The following LATS2 variants were observed in gnomAD, a reference collection of about 807,000 sequenced individuals.
LATS2 encodes the protein large tumor suppressor kinase 2.
LATS2 carries 24 observed loss-of-function variants against 76.0 expected under a neutral mutation model. The observed-to-expected ratio is 0.32, with a 90% confidence interval of 0.23 to 0.44. The LOEUF (loss-of-function observed/expected upper bound fraction) is 0.44, where lower values mean the gene tolerates loss of function less well. Ranked by LOEUF, LATS2 falls within the 20% of genes least tolerant of loss-of-function variation. LATS2 has a pLI of 1.00. For missense variants in LATS2, 1,286 were observed against 1,481.2 expected, an observed-to-expected ratio of 0.87 and a Z score of 2.16; for synonymous variants, 692 against 635.4, an observed-to-expected ratio of 1.09 and a Z score of -1.34.
intron 2 of LATS2, among the ~76,000 whole-genome samples, chr13:21,015,360 C>T (rs1383423768): frequency 6.6e-6 from 1 of 152,168 alleles, no homozygotes; most frequent in East Asian, 1.9e-4. Flanking sequence ...CACGAAGGAC[C>T]AGGACCCTAG....
At chr13:21,033,880 C>T (rs1448648293) in intron 2 of LATS2, among the ~76,000 whole-genome samples, 2 of 152,106 alleles carry the variant, frequency 1.3e-5, no homozygotes, top group Admixed American at 6.6e-5. Context: ...CTTCTAATGT[C>T]ATAACCACCC....
At position 20,988,738 on chromosome 13, in the gene LATS2, G is replaced by C; in HGVS notation, c.1042C>G (p.Leu348Val). 1.9e-6 allele frequency: 3 copies of C among 1,571,298 alleles called. No individual in the cohort carries two copies. Among genetic ancestry groups the C allele is most frequent in the Non-Finnish European group, 2.6e-6 (3 of 1,165,594 alleles). ...FASDSPPQSL[L>V]TPSRNSLNVD... is the part of the protein sequence containing the mutation. ...TTGAGGCTGTTCCGCGAGGGAGTGA[G>C]CAGGCTCTGCGGGGGGCTGTCGCTG... The change falls in exon 4 of 8, where the codon CTC (leucine) becomes GTC (valine). Residue 348 changes from leucine (L) to valine (V), a missense_variant. By Grantham distance (32) the Leu-to-Val change is conservative (BLOSUM62 1). This residue lies in a region of LATS2 where 710 missense variants were observed against 660.9 expected (regional missense o/e 1.07). Transcript: ENST00000382592.
At chr13:20,997,615 C>T (rs746678645) in intron 2 of LATS2, among the ~76,000 whole-genome samples, 1 of 152,196 alleles carries the variant, frequency 6.6e-6, no homozygotes, top group African/African-American at 2.4e-5. Context: ...CCTCACCCAG[C>T]TCTCCAGCTG....
Position 21,023,926 on chromosome 13 carries a change from T to C in LATS2, c.342+21759A>G, listed in dbSNP as rs1595242189. On this transcript the variant is annotated intron_variant, in intron 2 of 7. Coordinates refer to ENST00000382592, the MANE Select transcript of LATS2 (RefSeq NM_014572.3). ...AGGCAGAGGTAGCAGGGAGACGAGA[T>C]CGCACCATTGCACTCCAGCCTGGGC... Among the ~76,000 whole-genome samples, 6 of 150,862 alleles carry C rather than the reference T, an allele frequency of 4.0e-5. No individual in the cohort carries two copies. In the South Asian group the frequency reaches 1.3e-3, roughly 32 times the overall value.
chr13:21,025,862 G>A (rs539712726), intron 2 of LATS2, among the ~76,000 whole-genome samples: 4 of 152,284 alleles, frequency 2.6e-5, no homozygotes. Flanking sequence ...GGCCCTGTAC[G>A]TCTGGGTTGA....
chr13:20,987,754 T>C (rs1047543724), intron 4 of LATS2, 127 bp downstream of exon 4: 15 of 1,081,462 alleles, frequency 1.4e-5, no homozygotes, highest in African/African-American at 3.2e-5. Context: ...AGAACCAGAC[T>C]GTCGCCCATT....
intron 7 of LATS2, among the ~76,000 whole-genome samples, chr13:20,975,984 T>C (rs911345929): frequency 3.0e-4 from 45 of 152,210 alleles, no homozygotes; most frequent in African/African-American, 1.1e-3. Flanking sequence ...ATGACGCTCA[T>C]TCAAATACTT....
At chr13:21,003,894 T>A (rs1354092062) in intron 2 of LATS2, among the ~76,000 whole-genome samples, 1 of 152,190 alleles carries the variant, frequency 6.6e-6, no homozygotes, top group Non-Finnish European at 1.5e-5. Context: ...TTTTAAATAA[T>A]CTTATATCTT....
At chr13:20,986,384 G>A (rs2138281026) in intron 4 of LATS2, among the ~76,000 whole-genome samples, 1 of 152,242 alleles carries the variant, frequency 6.6e-6, no homozygotes, top group African/African-American at 2.4e-5. Context: ...TCCATCAACT[G>A]ATGAACAGAT....
chr13:20,979,638 A>C, intron 7 of LATS2, 53 bp downstream of exon 7: 3 of 970,870 alleles, frequency 3.1e-6, no homozygotes, highest in Non-Finnish European at 1.6e-6. Context: ...TCATGGGTAC[A>C]TGAGCAAATC....
intron 2 of LATS2, among the ~76,000 whole-genome samples, chr13:21,030,332 G>A (rs946945638): frequency 2.6e-5 from 4 of 151,970 alleles, no homozygotes; most frequent in African/African-American, 7.2e-5. Context: ...GCTCACACCT[G>A]TAATCCCAGC....
intron 1 of LATS2, among the ~76,000 whole-genome samples, chr13:21,061,107 C>T (rs922063793): frequency 2.2e-4 from 33 of 151,840 alleles, no homozygotes; most frequent in African/African-American, 8.0e-4. Context: ...ACCGGCTCCG[C>T]GGGCTCCGTA....
intron 1 of LATS2, among the ~76,000 whole-genome samples, chr13:21,058,668 T>C (rs986022601): frequency 1.3e-5 from 2 of 152,242 alleles, no homozygotes; most frequent in Non-Finnish European, 2.9e-5. Context: ...GTAATTCACC[T>C]TGGTAATTTT....
chr13:21,012,977 G>A (rs940869412), intron 2 of LATS2, among the ~76,000 whole-genome samples: 1 of 152,192 alleles, frequency 6.6e-6, no homozygotes, highest in South Asian at 2.1e-4. Flanking sequence ...TTAAGGTATT[G>A]AGACCTTTTC....
intron 2 of LATS2, among the ~76,000 whole-genome samples, chr13:21,016,443 C>T (rs1871803894): frequency 6.6e-6 from 1 of 151,908 alleles, no homozygotes; most frequent in South Asian, 2.1e-4. Flanking sequence ...ACCACCATGC[C>T]TAATTTTTGT....
At chr13:20,978,018 C>T (rs148189470) in intron 7 of LATS2, among the ~76,000 whole-genome samples, 1,583 of 152,022 alleles carry the variant, frequency 0.01, 29 homozygotes, top group African/African-American at 0.035. Flanking sequence ...TGGGTTCAAG[C>T]GATTCTCCTG....
At chr13:20,998,706 T>C (rs1040458741) in intron 2 of LATS2, among the ~76,000 whole-genome samples, 1 of 152,114 alleles carries the variant, frequency 6.6e-6, no homozygotes, top group Non-Finnish European at 1.5e-5. Flanking sequence ...CTCCCGGCGA[T>C]CTTGGGCAGG....
intron 2 of LATS2, among the ~76,000 whole-genome samples, chr13:21,013,989 AAAG>A (rs954807259): frequency 1.2e-4 from 18 of 151,756 alleles, no homozygotes; most frequent in South Asian, 2.1e-4. Flanking sequence ...AAAGAAGAAG[AAAG>A]AAGAAGAAGA....
At chr13:21,014,430 G>C (rs1595235281) in intron 2 of LATS2, among the ~76,000 whole-genome samples, 1 of 152,202 alleles carries the variant, frequency 6.6e-6, no homozygotes, top group African/African-American at 2.4e-5. Context: ...GTTTGGCTTA[G>C]CTGATCCTGA....
Sources: allele counts gnomAD v4.1 joint callset (sites outside exome capture counted in the v4.1 genomes callset), GRCh38; gene constraint gnomAD v4.1.1; regional missense constraint gnomAD v4.1.1; transcripts MANE v1.5; gene names NCBI Gene and HGNC (gene_info 2026-07-23, HGNC 2026-07-21).